The following RGS7 variants were observed in gnomAD, a reference collection of about 807,000 sequenced individuals.
The protein encoded by RGS7 is regulator of G-protein signaling 7.
Under a neutral mutation model 81.1 loss-of-function variants are expected in RGS7, and 27 were observed. That is an observed-to-expected ratio of 0.33 (90% confidence interval 0.25 to 0.46). RGS7 has a LOEUF of 0.46. RGS7 is among the 20% of genes least tolerant of loss of function. The pLI is 1.00. For missense variants in RGS7, 396 were observed against 607.4 expected (o/e 0.65, Z 3.66); for synonymous variants, 208 against 207.7 (o/e 1.00, Z -0.01).
chr1:241,081,116 G>A (rs938504129), intron 3 of RGS7, among the ~76,000 whole-genome samples: 4 of 152,236 alleles, frequency 2.6e-5, no homozygotes, highest in Middle Eastern at 6.8e-3. Flanking sequence ...GGCCTTAACT[G>A]TTAGTGCTGA....
At chr1:240,870,560 CTGGTCT>C (rs1281263941) in intron 6 of RGS7, among the ~76,000 whole-genome samples, 1 of 152,090 alleles carries the variant, frequency 6.6e-6, no homozygotes, top group African/African-American at 2.4e-5. Flanking sequence ...GTTGCCCAGG[CTGGTCT>C]TGAACTCCTG....
chr1:241,356,677 G>C (rs974778726), intron 1 of RGS7, among the ~76,000 whole-genome samples: 2 of 151,528 alleles, frequency 1.3e-5, no homozygotes, highest in African/African-American at 4.8e-5. Context: ...GCGAGCCTGT[G>C]CCCCGCGCCG....
At chr1:240,949,027 G>C (rs982209887) in intron 4 of RGS7, among the ~76,000 whole-genome samples, 1 of 152,006 alleles carries the variant, frequency 6.6e-6, no homozygotes, top group Non-Finnish European at 1.5e-5. Context: ...AAAATGCACA[G>C]TCTTTTAATA....
At chr1:240,824,313 A>G (rs997780116) in intron 10 of RGS7, among the ~76,000 whole-genome samples, 2 of 152,238 alleles carry the variant, frequency 1.3e-5, no homozygotes, top group South Asian at 2.1e-4. Context: ...GCTCACTCCC[A>G]AAGAAATGAA....
chr1:241,012,929 T>C (rs2059033927), intron 3 of RGS7, among the ~76,000 whole-genome samples: 1 of 152,180 alleles, frequency 6.6e-6, no homozygotes, highest in South Asian at 2.1e-4. Flanking sequence ...AGATAGCCTT[T>C]GCTTGCAATG....
intron 2 of RGS7, among the ~76,000 whole-genome samples, chr1:241,209,561 C>A (rs753777634): frequency 6.6e-6 from 1 of 152,124 alleles, no homozygotes; most frequent in Non-Finnish European, 1.5e-5. Flanking sequence ...AGAGGCTGGG[C>A]ATGGTGGCTC....
intron 6 of RGS7, among the ~76,000 whole-genome samples, chr1:240,908,385 T>A (rs1671196563): frequency 6.6e-6 from 1 of 152,110 alleles, no homozygotes; most frequent in South Asian, 2.1e-4. Flanking sequence ...AAATTTTCAA[T>A]GAAACAAATG....
rs370038929 is a variant in RGS7 at position 240,806,236 on chromosome 1, G to A, written c.1173C>T (p.Pro391=). ...VQEIWQEFLA[P]GAPSAINLDS... ...CCAAGTTAATAGCACTGGGGGCTCC[G>A]GGAGCCAGAAACTCTTGCCATATTT... The change falls in exon 15 of 19, where the codon CCC becomes CCT. Residue 391 remains proline, a synonymous_variant. Transcript: ENST00000440928. 9.9e-6 allele frequency: 16 copies of A among 1,613,662 alleles called. No homozygotes were observed. The highest frequency in any genetic ancestry group is 3.3e-5 in the Admixed American group (2 of 59,982).
intron 3 of RGS7, among the ~76,000 whole-genome samples, chr1:241,021,481 C>T (rs1291716877): frequency 1.3e-5 from 2 of 152,144 alleles, no homozygotes; most frequent in African/African-American, 2.4e-5. Context: ...AACACATCTC[C>T]GATTGGTGCA....
intron 6 of RGS7, among the ~76,000 whole-genome samples, chr1:240,908,547 TG>T (rs1452892105): frequency 6.6e-6 from 1 of 152,104 alleles, no homozygotes; most frequent in Non-Finnish European, 1.5e-5. Flanking sequence ...AAAGGGGAGT[TG>T]CTCTTACACT....
intron 2 of RGS7, 37 bp downstream of exon 2, chr1:241,355,662 A>C: frequency 6.3e-7 from 1 of 1,584,384 alleles, no homozygotes; most frequent in Non-Finnish European, 8.7e-7. Context: ...GAAAGCCGGA[A>C]GTTTCCCGTT....
chr1:240,914,595 A>G (rs1672288490), intron 6 of RGS7, among the ~76,000 whole-genome samples: 1 of 152,192 alleles, frequency 6.6e-6, no homozygotes, highest in South Asian at 2.1e-4. Flanking sequence ...AATACTGAAG[A>G]GGGTGTAAAA....
chr1:240,859,608 CTTAG>C (rs1661824755), intron 9 of RGS7, among the ~76,000 whole-genome samples: 1 of 151,576 alleles, frequency 6.6e-6, no homozygotes, highest in South Asian at 2.1e-4. Flanking sequence ...CCCTTTATTC[CTTAG>C]TTAACCTGGC....
At chr1:240,963,182 G>C (rs1256390418) in intron 4 of RGS7, among the ~76,000 whole-genome samples, 1 of 152,118 alleles carries the variant, frequency 6.6e-6, no homozygotes, top group Non-Finnish European at 1.5e-5. Context: ...CTGATATTTA[G>C]GAGGCAAAGT....
At chr1:240,795,696 A>G (rs1253488887) in intron 18 of RGS7, among the ~76,000 whole-genome samples, 1 of 152,234 alleles carries the variant, frequency 6.6e-6, no homozygotes, top group African/African-American at 2.4e-5. Context: ...GGGCATATCC[A>G]TTCAAAAGAA....
At chr1:240,842,584 T>C in intron 9 of RGS7, among the ~76,000 whole-genome samples, 1 of 150,778 alleles carries the variant, frequency 6.6e-6, no homozygotes. Flanking sequence ...ATTTTAGTAA[T>C]TTTAGGCCAA....
At chr1:241,191,559 C>T (rs777556174) in intron 2 of RGS7, among the ~76,000 whole-genome samples, 4 of 152,240 alleles carry the variant, frequency 2.6e-5, no homozygotes, top group Admixed American at 6.5e-5. Flanking sequence ...AGATACATCG[C>T]TCTTTAGTTT....
chr1:241,224,710 C>T (rs1264696871), intron 2 of RGS7, among the ~76,000 whole-genome samples: 2 of 152,158 alleles, frequency 1.3e-5, no homozygotes, highest in South Asian at 4.1e-4. Flanking sequence ...CTTCCTGAGA[C>T]AGCACGAAGG....
At chr1:241,045,972 C>T (rs1339940718) in intron 3 of RGS7, among the ~76,000 whole-genome samples, 1 of 151,966 alleles carries the variant, frequency 6.6e-6, no homozygotes, top group East Asian at 1.9e-4. Flanking sequence ...TGAAGGTGTG[C>T]CCTGGTCTAT....
Sources: allele counts gnomAD v4.1 joint callset (sites outside exome capture counted in the v4.1 genomes callset), GRCh38; gene constraint gnomAD v4.1.1; transcripts MANE v1.5; gene names NCBI Gene and HGNC (gene_info 2026-07-23, HGNC 2026-07-21).